TSPAN5: variants seen among roughly 807,000 people sequenced by gnomAD.
TSPAN5 encodes tetraspanin-5.
TSPAN5 carries 10 observed loss-of-function variants against 37.1 expected under a neutral mutation model. The ratio of observed to expected loss-of-function variants is 0.27; its 90% CI spans 0.17 to 0.46. The LOEUF is 0.46. Among genes scored for constraint, TSPAN5 ranks in the 20% least tolerant of loss-of-function variants. TSPAN5 has a pLI of 1.00. For missense variants in TSPAN5, 195 were observed against 326.6 expected (o/e 0.60, Z 3.11); for synonymous variants, 110 against 118.9 (o/e 0.93, Z 0.48).
chr4:98,620,251 C>T (rs1756451030), intron 1 of TSPAN5, among the ~76,000 whole-genome samples: 1 of 152,190 alleles, frequency 6.6e-6, no homozygotes, highest in Non-Finnish European at 1.5e-5. Flanking sequence ...AGAAGTCTGA[C>T]CACCCGGAGG....
At chr4:98,600,740 A>T (rs931650148) in intron 1 of TSPAN5, among the ~76,000 whole-genome samples, 1 of 152,182 alleles carries the variant, frequency 6.6e-6, no homozygotes, top group Non-Finnish European at 1.5e-5. Flanking sequence ...CTTCTCCCCA[A>T]CACCAGTTAA....
chr4:98,528,880 A>G (rs1376923102), intron 1 of TSPAN5, among the ~76,000 whole-genome samples: 1 of 152,190 alleles, frequency 6.6e-6, no homozygotes, highest in Non-Finnish European at 1.5e-5. Context: ...CTCCCATTTT[A>G]GTATGACCAT....
At chr4:98,510,820 C>A (rs1263746904) in intron 1 of TSPAN5, among the ~76,000 whole-genome samples, 1 of 152,242 alleles carries the variant, frequency 6.6e-6, no homozygotes, top group Non-Finnish European at 1.5e-5. Context: ...TGGGCCTCAA[C>A]TTGATACATA....
chr4:98,498,146 C>T lies in TSPAN5; in HGVS notation c.132+9532G>A, dbSNP rs190952791. Among the ~76,000 whole-genome samples the T allele has an allele frequency of 6.4e-4, 98 of 152,280 alleles. 1 individual carries two copies. In the East Asian group the frequency reaches 0.018, roughly 28 times the overall value. On this transcript the variant is annotated intron_variant, in intron 2 of 7. Coordinates refer to ENST00000305798, the MANE Select transcript of TSPAN5 (RefSeq NM_005723.4). ...GCAGTGACTCCAGCCAGGCACTGGG[C>T]TACCTGGACTACTTCACCCTCACCA...
At chr4:98,573,702 C>T (rs1025152080) in intron 1 of TSPAN5, among the ~76,000 whole-genome samples, 1 of 152,200 alleles carries the variant, frequency 6.6e-6, no homozygotes, top group Non-Finnish European at 1.5e-5. Flanking sequence ...CTCACATCAC[C>T]CACCAAGGAC....
intron 1 of TSPAN5, among the ~76,000 whole-genome samples, chr4:98,574,282 A>G (rs927517930): frequency 1.3e-5 from 2 of 152,124 alleles, no homozygotes; most frequent in African/African-American, 4.8e-5. Context: ...TTCTAAACTT[A>G]CCAACAGTTG....
chr4:98,576,715 G>GAC (rs1046016010), intron 1 of TSPAN5, among the ~76,000 whole-genome samples: 1 of 152,086 alleles, frequency 6.6e-6, no homozygotes, highest in African/African-American at 2.4e-5. Flanking sequence ...AAAAGGCCAG[G>GAC]ACTAAGAATG....
At chr4:98,545,441 G>A (rs1043089182) in intron 1 of TSPAN5, among the ~76,000 whole-genome samples, 1 of 152,150 alleles carries the variant, frequency 6.6e-6, no homozygotes, top group African/African-American at 2.4e-5. Context: ...AATTCAAAAT[G>A]TAACTATCTA....
chr4:98,540,830 G>T (rs918964465), intron 1 of TSPAN5, among the ~76,000 whole-genome samples: 4 of 152,178 alleles, frequency 2.6e-5, no homozygotes, highest in African/African-American at 9.7e-5. Flanking sequence ...TCTCAAATAG[G>T]CTGATCAATC....
chr4:98,618,545 A>G (rs983366019), intron 1 of TSPAN5, among the ~76,000 whole-genome samples: 1 of 146,138 alleles, frequency 6.8e-6, no homozygotes, highest in Admixed American at 6.9e-5. Flanking sequence ...ACGATTCACT[A>G]AATTCTTCTA....
chr4:98,484,540 G>A (rs935637964), intron 3 of TSPAN5: 2 of 456,228 alleles, frequency 4.4e-6, no homozygotes, highest in South Asian at 1.5e-5. Flanking sequence ...ATAAATTAAG[G>A]TGCTGATTTA....
intron 1 of TSPAN5, among the ~76,000 whole-genome samples, chr4:98,624,061 T>C (rs959291100): frequency 1.3e-5 from 2 of 152,106 alleles, no homozygotes; most frequent in Admixed American, 1.3e-4. Flanking sequence ...AATTGAATCA[T>C]ATTGAAAAAA....
intron 1 of TSPAN5, among the ~76,000 whole-genome samples, chr4:98,507,988 A>G (rs1753515448): frequency 6.6e-6 from 1 of 152,236 alleles, no homozygotes; most frequent in African/African-American, 2.4e-5. Flanking sequence ...AATCCTGAGT[A>G]CACTGAAATT....
chr4:98,656,114 G>A (rs549282853), intron 1 of TSPAN5, among the ~76,000 whole-genome samples: 1 of 152,132 alleles, frequency 6.6e-6, no homozygotes, highest in Non-Finnish European at 1.5e-5. Context: ...CAGAAAACAT[G>A]CGGCTCTGTT....
intron 2 of TSPAN5, among the ~76,000 whole-genome samples, chr4:98,498,067 T>C (rs1753255984): frequency 6.6e-6 from 1 of 152,028 alleles, no homozygotes; most frequent in African/African-American, 2.4e-5. Context: ...GTGATCCGGG[T>C]GAGATCTGCT....
intron 1 of TSPAN5, among the ~76,000 whole-genome samples, chr4:98,606,682 T>C (rs1407445235): frequency 2.0e-5 from 3 of 152,222 alleles, no homozygotes; most frequent in African/African-American, 4.8e-5. Flanking sequence ...TTATTGAACA[T>C]ATATGAAAGG....
intron 1 of TSPAN5, among the ~76,000 whole-genome samples, chr4:98,585,963 G>A (rs1318327566): frequency 1.3e-5 from 2 of 152,180 alleles, no homozygotes; most frequent in African/African-American, 4.8e-5. Context: ...TAACTAAATC[G>A]TATTTTTAAA....
chr4:98,531,785 T>A (rs1255421298), intron 1 of TSPAN5, among the ~76,000 whole-genome samples: 1 of 152,236 alleles, frequency 6.6e-6, no homozygotes, highest in Non-Finnish European at 1.5e-5. Context: ...TATCTCATTG[T>A]GGTTTTGATT....
intron 2 of TSPAN5, among the ~76,000 whole-genome samples, 175 bp from the exon 3 acceptor site, chr4:98,487,059 AGAGAAAGAAAGAGT>A (rs1485891143): frequency 6.6e-6 from 1 of 150,672 alleles, no homozygotes; most frequent in African/African-American, 2.4e-5. Context: ...AGAAAGAGAA[AGAGAAAGAAAGAGT>A]GAGAAAGAAA....
Sources: gnomAD v4.1 joint callset for allele counts (sites outside exome capture counted in the v4.1 genomes callset) on GRCh38, gnomAD v4.1.1 for gene constraint, MANE v1.5 for transcripts, NCBI Gene and HGNC (gene_info 2026-07-23, HGNC 2026-07-21) for gene names.